The following DUOX1 variants were observed in gnomAD, a reference collection of about 807,000 sequenced individuals.
The protein encoded by DUOX1 is NADPH thyroid oxidase 1.
In DUOX1, 134 loss-of-function variants were observed where a neutral mutation model predicts 181.8. The observed-to-expected ratio is 0.74, with a 90% CI of 0.64 to 0.85. DUOX1 has a LOEUF of 0.85. Ranked by LOEUF, DUOX1 falls within the 40% of genes least tolerant of loss-of-function variation. The pLI is 0.00. For synonymous variants in DUOX1, 798 were observed against 832.5 expected (o/e 0.96, Z 0.71); for missense variants, 1,814 against 2,064.4 (o/e 0.88, Z 2.35).
intron 10 of DUOX1, 85 bp from the exon 11 acceptor site, chr15:45,138,981 A>T (rs941039241): frequency 1.6e-6 from 2 of 1,233,694 alleles, no homozygotes; most frequent in Non-Finnish European, 2.3e-6. Context: ...CTCAGGGATA[A>T]GGATGATGGT....
chr15:45,150,559 T>G (rs903519765), intron 21 of DUOX1, 73 bp from the exon 22 acceptor site: 4 of 1,377,132 alleles, frequency 2.9e-6, no homozygotes, highest in African/African-American at 2.8e-5. Context: ...ATGGTAGGAG[T>G]GCTGTGCGTT....
chr15:45,160,872 G>T lies in DUOX1; in HGVS notation c.3738G>T (p.Leu1246=), dbSNP rs779682054. The T allele has an allele frequency of 3.1e-6, 5 of 1,612,466 alleles. No homozygotes were observed. In the Admixed American group the frequency reaches 8.3e-5, roughly 27 times the overall value. Residue 1246 remains leucine, a synonymous_variant, in exon 29 of 34, where the codon CTG becomes CTT. Transcript: ENST00000389037. ...ATGGTAGCTTTGCCCTGATCCAGCT[G>T]CCCCGTTTCCACATCTTCTTCCTGG... ...IIHGSFALIQ[L]PRFHIFFLVP... is the part of the protein sequence containing the mutation.
chr15:45,139,017 C>T (rs768629956), intron 10 of DUOX1, 49 bp from the exon 11 acceptor site: 2 of 1,551,536 alleles, frequency 1.3e-6, no homozygotes, highest in Admixed American at 3.5e-5. Flanking sequence ...TGTCTAACCT[C>T]TGACCCCATT....
intron 2 of DUOX1, among the ~76,000 whole-genome samples, chr15:45,133,465 G>A (rs1036118302): frequency 1.3e-5 from 2 of 152,126 alleles, no homozygotes; most frequent in African/African-American, 4.8e-5. Flanking sequence ...GCTCTGTGTG[G>A]TGTCTTAGGG....
intron 5 of DUOX1, 86 bp downstream of exon 5, chr15:45,135,377 G>A: frequency 6.7e-7 from 1 of 1,497,014 alleles, no homozygotes; most frequent in Non-Finnish European, 8.9e-7. Context: ...GGAGGGGAGA[G>A]GCGCCCACTC....
At chr15:45,134,923 G>C (rs1272439812) in intron 4 of DUOX1, among the ~76,000 whole-genome samples, 181 bp from the exon 5 acceptor site, 5 of 152,184 alleles carry the variant, frequency 3.3e-5, no homozygotes, top group Non-Finnish European at 2.9e-5. Context: ...TCAGGTGTAG[G>C]CACAGAGGGA....
chr15:45,163,625 G>C lies in DUOX1; in HGVS notation c.4342G>C (p.Val1448Leu), dbSNP rs1473215064. 6 of 1,614,016 alleles carry C rather than the reference G, an allele frequency of 3.7e-6. No homozygotes were observed. The highest frequency in any genetic ancestry group is 4.2e-6 in the Non-Finnish European group (5 of 1,180,020). ...EVEENDHQDL[V>L]SVHIYITQLA... ...GGAGGAGAATGACCACCAGGACCTG[G>C]TGTCTGTGCACATCTACATCACCCA... Residue 1448 changes from valine to leucine, a missense_variant, in exon 32 of 34, where the codon GTG becomes CTG. By Grantham distance (32) the Val-to-Leu change is conservative. Around this residue, in one of 5 missense-constraint regions of DUOX1, gnomAD observed 279 missense variants for 381.9 expected, o/e 0.73. Transcript: ENST00000389037.
At chr15:45,139,943 G>A (rs1896449016) in intron 12 of DUOX1, 5 of 704,870 alleles carry the variant, frequency 7.1e-6, no homozygotes, top group East Asian at 8.3e-5. Flanking sequence ...TTCTTGCACC[G>A]ATGTTTAAGC....
intron 10 of DUOX1, chr15:45,138,535 A>C (rs900005181): frequency 1.9e-5 from 3 of 157,264 alleles, no homozygotes; most frequent in Non-Finnish European, 4.2e-5. Context: ...ATGGGTGAAG[A>C]ACATTGATTG....
At chr15:45,138,144 T>A in intron 10 of DUOX1, 130 bp downstream of exon 10, 1 of 578,966 alleles carries the variant, frequency 1.7e-6, no homozygotes, top group Non-Finnish European at 2.7e-6. Flanking sequence ...CTGACGCAGG[T>A]AGCTGGGATA....
rs753388293 is a variant in DUOX1 at position 45,141,083 on chromosome 15, G to A, written c.1565+13G>A. On this transcript the variant is annotated intron_variant, in intron 13 of 33. Coordinates refer to ENST00000389037, the MANE Select transcript of DUOX1 (RefSeq NM_175940.3). ...ACACCAGGAATGGGTAAGGCGTGCTGGGCCTCCGCCTCAGGCTCTACCTCG... is the reference window on the plus strand; with the variant it reads ...ACACCAGGAATGGGTAAGGCGTGCTAGGCCTCCGCCTCAGGCTCTACCTCG... 6.9e-5 allele frequency: 111 copies of A among 1,614,062 alleles called. No individual in the cohort carries two copies. Among genetic ancestry groups the A allele is most frequent in the Middle Eastern group, 3.3e-4 (2 of 6,080 alleles).
intron 18 of DUOX1, among the ~76,000 whole-genome samples, chr15:45,146,145 G>A (rs903871435): frequency 6.6e-6 from 1 of 152,196 alleles, no homozygotes; most frequent in Admixed American, 6.5e-5. Context: ...AGTTGGACAA[G>A]TTTTGGCTCA....
chr15:45,156,073 A>G, intron 28 of DUOX1, 144 bp downstream of exon 28: 1 of 1,172,966 alleles, frequency 8.5e-7, no homozygotes, highest in Non-Finnish European at 1.2e-6. Context: ...GAAGGTGGAG[A>G]TGATAGTACA....
Position 45,162,333 on chromosome 15 carries a change from C to A in DUOX1, c.4204C>A (p.Leu1402Met). Residue 1402 changes from leucine (L) to methionine (M), a missense_variant, in exon 31 of 34, where the codon CTG (leucine) becomes ATG (methionine). By Grantham distance (15) the Leu-to-Met change is conservative. This residue lies in a region of DUOX1 where 279 missense variants were observed against 381.9 expected (regional missense o/e 0.73). Transcript: ENST00000389037. The stretch of plus-strand genomic sequence containing the variant: ...CCCTTTTGCCTCCATCCTCAAAGAC[C>A]TGGTCTTCAAGTCATCCGTCAGCTG... Reference protein sequence around the residue: ...VTPFASILKDLVFKSSVSCQV... With the variant: ...VTPFASILKDMVFKSSVSCQV... 1 of 1,614,100 alleles carries A rather than the reference C, an allele frequency of 6.2e-7. No homozygotes were observed. Among genetic ancestry groups the A allele is most frequent in the Non-Finnish European group, 8.5e-7 (1 of 1,180,000 alleles).
At position 45,143,075 on chromosome 15, in the gene DUOX1, C is replaced by T. The variant is rs753273732; in HGVS notation, c.1823-115C>T. The stretch of plus-strand genomic sequence containing the variant: ...TCCCAATCTGAAACAATTGAGCAAG[C>T]TGACCTAGGAGGTGGGGACAATAGG... On this transcript the variant is annotated intron_variant, in intron 15 of 33. Transcript: ENST00000389037. 1.3e-4 allele frequency: 93 copies of T among 735,158 alleles called. No homozygotes were observed. In the Middle Eastern group the frequency reaches 1.4e-3, roughly 11 times the overall value. The allele number at this position is 735,158 out of a possible 1,614,324, so 45.5% of individuals were successfully genotyped here.
intron 31 of DUOX1, 30 bp downstream of exon 31, chr15:45,162,407 C>T (rs2141311604): frequency 1.2e-6 from 2 of 1,603,002 alleles, no homozygotes; most frequent in East Asian, 2.2e-5. Flanking sequence ...CCCACCAACC[C>T]ATGGCCCCTT....
At position 45,143,295 on chromosome 15, in the gene DUOX1, G is replaced by T; in HGVS notation, c.1928G>T (p.Gly643Val). 2 of 1,613,924 alleles carry T rather than the reference G, an allele frequency of 1.2e-6. No homozygotes were observed. The highest frequency in any genetic ancestry group is 2.2e-5 in the South Asian group (2 of 91,074). The part of the protein sequence containing the change: ...QSIVSEKLVG[G>V]MEALEWQGHK... ...ATCGTGTCTGAGAAGCTCGTGGGAG[G>T]CATGGAAGGTAGGTCTAGGGCTGGC... Residue 643 changes from glycine (G) to valine (V), a missense_variant, in exon 16 of 34, where the codon GGC (glycine) becomes GTC (valine). Around this residue, in one of 5 missense-constraint regions of DUOX1, gnomAD observed 1,064 missense variants for 1,152.9 expected, o/e 0.92. Coordinates refer to ENST00000389037, the MANE Select transcript of DUOX1 (RefSeq NM_175940.3).
intron 27 of DUOX1, 33 bp from the exon 28 acceptor site, chr15:45,155,769 T>G (rs370753053): frequency 6.2e-7 from 1 of 1,612,330 alleles, no homozygotes; most frequent in African/African-American, 1.3e-5. Context: ...AAGGCACTGA[T>G]CTTCTGCCTT....
chr15:45,145,728 A>G (rs1192172798), intron 18 of DUOX1, among the ~76,000 whole-genome samples: 1 of 152,164 alleles, frequency 6.6e-6, no homozygotes, highest in Non-Finnish European at 1.5e-5. Context: ...CAGCCTGGCC[A>G]ACATGGTGAA....
Sources: allele counts gnomAD v4.1 joint callset (sites outside exome capture counted in the v4.1 genomes callset), GRCh38; gene constraint gnomAD v4.1.1; regional missense constraint gnomAD v4.1.1; transcripts MANE v1.5; gene names NCBI Gene and HGNC (gene_info 2026-07-23, HGNC 2026-07-21).